LRP1B: variants seen among roughly 807,000 people sequenced by gnomAD.
The protein encoded by LRP1B is LDL receptor related protein 1B, also known as low-density lipoprotein receptor-related protein 1B.
In LRP1B, 217 loss-of-function variants were observed where a neutral mutation model predicts 556.6. The observed-to-expected ratio is 0.39, with a 90% CI of 0.35 to 0.44. The LOEUF (loss-of-function observed/expected upper bound fraction) is 0.44. LRP1B is among the 20% of genes least tolerant of loss of function. The probability of loss-of-function intolerance (pLI) is 1.00; values close to 1 mark genes in which losing one functional copy is unlikely to be tolerated. For synonymous variants in LRP1B, 2,047 were observed against 1,865.8 expected, an observed-to-expected ratio of 1.10 and a Z score of -2.50; for missense variants, 5,053 against 5,620.8, an observed-to-expected ratio of 0.90 and a Z score of 3.23.
intron 7 of LRP1B, among the ~76,000 whole-genome samples, chr2:141,131,123 C>T (rs1701338734): frequency 6.6e-6 from 1 of 151,906 alleles, no homozygotes; most frequent in Admixed American, 6.6e-5. Context: ...GCACTTGTAT[C>T]CCAGAACTTA....
chr2:142,013,571 A>T (rs546681402), intron 1 of LRP1B, among the ~76,000 whole-genome samples: 1 of 152,306 alleles, frequency 6.6e-6, no homozygotes, highest in South Asian at 2.1e-4. Context: ...ACAGAAAAAA[A>T]AAATAAGTCA....
chr2:141,810,451 C>A (rs2105708101), intron 1 of LRP1B, 50 bp from the exon 2 acceptor site: 1 of 1,586,830 alleles, frequency 6.3e-7, no homozygotes, highest in Non-Finnish European at 8.6e-7. Flanking sequence ...TGAACATGGG[C>A]AGAACGAGCA....
chr2:141,166,064 C>G (rs1286498537), intron 7 of LRP1B, among the ~76,000 whole-genome samples: 3 of 151,994 alleles, frequency 2.0e-5, no homozygotes, highest in African/African-American at 7.2e-5. Context: ...TCCCCATTTC[C>G]ATTCCTACTT....
In LRP1B at chr2:141,404,482, A is replaced by T. The variant is rs142114866; in HGVS notation, c.343+75914T>A. Among the ~76,000 whole-genome samples, 335 of 152,282 alleles carry T rather than the reference A, an allele frequency of 2.2e-3. 1 individual carries two copies. The highest frequency in any genetic ancestry group is 7.6e-3 in the African/African-American group (314 of 41,550). Reference sequence around the variant, plus strand: ...CAAGTTCTAAGCATCTAACATATGCATTTGTTATGCTTTTAGCTTTGGAGT... The same window carrying T: ...CAAGTTCTAAGCATCTAACATATGCTTTTGTTATGCTTTTAGCTTTGGAGT... On this transcript the variant is annotated intron_variant, in intron 3 of 90. Coordinates refer to ENST00000389484, the MANE Select transcript of LRP1B (RefSeq NM_018557.3).
intron 1 of LRP1B, among the ~76,000 whole-genome samples, chr2:141,869,899 A>G (rs920729246): frequency 6.6e-6 from 1 of 152,082 alleles, no homozygotes; most frequent in Non-Finnish European, 1.5e-5. Flanking sequence ...ATAAAACCCA[A>G]GAAAGTTTAA....
At chr2:141,799,135 C>T (rs530294395) in intron 2 of LRP1B, among the ~76,000 whole-genome samples, 2 of 152,068 alleles carry the variant, frequency 1.3e-5, no homozygotes, top group African/African-American at 4.8e-5. Flanking sequence ...TAAGGCAGCC[C>T]GCGCAGACGA....
At chr2:140,440,623 T>C (rs1241334442) in intron 66 of LRP1B, among the ~76,000 whole-genome samples, 2 of 151,918 alleles carry the variant, frequency 1.3e-5, no homozygotes, top group African/African-American at 4.8e-5. Context: ...AAATAAGGGG[T>C]GTGAAATGCT....
At chr2:140,668,177 G>A (rs550173010) in intron 41 of LRP1B, among the ~76,000 whole-genome samples, 24 of 151,716 alleles carry the variant, frequency 1.6e-4, no homozygotes, top group Non-Finnish European at 3.2e-4. Flanking sequence ...CGGGTGTGGC[G>A]GCGTGCACCT....
chr2:140,302,371 C>T (rs759127375), intron 83 of LRP1B, among the ~76,000 whole-genome samples: 2 of 152,138 alleles, frequency 1.3e-5, no homozygotes. Context: ...TTCCCACTCC[C>T]TAAAAGAGTA....
intron 4 of LRP1B, among the ~76,000 whole-genome samples, chr2:141,253,454 C>T (rs938445298): frequency 1.3e-5 from 2 of 152,068 alleles, no homozygotes; most frequent in African/African-American, 4.8e-5. Flanking sequence ...AAACAACAAA[C>T]TAAAATTCAA....
chr2:141,510,817 T>C (rs1475280813), intron 2 of LRP1B, among the ~76,000 whole-genome samples: 1 of 151,910 alleles, frequency 6.6e-6, no homozygotes, highest in Non-Finnish European at 1.5e-5. Context: ...CCTTACATTA[T>C]ACATTTACTT....
intron 27 of LRP1B, among the ~76,000 whole-genome samples, chr2:140,860,095 C>G (rs190402425): frequency 2.6e-5 from 4 of 152,288 alleles, no homozygotes; most frequent in South Asian, 2.1e-4. Context: ...CAAGATCACA[C>G]AAGTATTAAA....
chr2:140,672,270 A>G (rs1414712355), intron 41 of LRP1B, among the ~76,000 whole-genome samples: 1 of 152,006 alleles, frequency 6.6e-6, no homozygotes, highest in Non-Finnish European at 1.5e-5. Context: ...GCGGGTCACA[A>G]GGTCAGGAGT....
intron 2 of LRP1B, among the ~76,000 whole-genome samples, chr2:141,561,872 G>A (rs371770797): frequency 6.6e-6 from 1 of 151,782 alleles, no homozygotes; most frequent in Non-Finnish European, 1.5e-5. Flanking sequence ...ACATTACCAC[G>A]ATAGCTTATT....
chr2:141,886,076 A>G (rs1366256967), intron 1 of LRP1B, among the ~76,000 whole-genome samples: 1 of 152,168 alleles, frequency 6.6e-6, no homozygotes, highest in African/African-American at 2.4e-5. Context: ...CTAAAACCTC[A>G]CTGGAAAATT....
intron 2 of LRP1B, among the ~76,000 whole-genome samples, chr2:141,748,300 T>C (rs2105560113): frequency 6.6e-6 from 1 of 152,320 alleles, no homozygotes; most frequent in South Asian, 2.1e-4. Flanking sequence ...AAATCATATA[T>C]ATAAAAGGCC....
At chr2:141,233,685 G>A (rs185533261) in intron 5 of LRP1B, among the ~76,000 whole-genome samples, 1 of 152,022 alleles carries the variant, frequency 6.6e-6, no homozygotes, top group East Asian at 1.9e-4. Flanking sequence ...TATATATGTT[G>A]TGCTAAATAA....
chr2:140,556,394 CCTTA>C (rs1680734403), intron 43 of LRP1B, among the ~76,000 whole-genome samples: 1 of 151,926 alleles, frequency 6.6e-6, no homozygotes, highest in African/African-American at 2.4e-5. Flanking sequence ...AATAAACAGG[CCTTA>C]CTAAGTTCCC....
At chr2:140,249,031 T>C in intron 86 of LRP1B, among the ~76,000 whole-genome samples, 1 of 85,106 alleles carries the variant, frequency 1.2e-5, no homozygotes, top group East Asian at 3.7e-4. Flanking sequence ...CTTTATACAT[T>C]ATCTCATTTA....
Sources: gnomAD v4.1 joint callset for allele counts (sites outside exome capture counted in the v4.1 genomes callset) on GRCh38, gnomAD v4.1.1 for gene constraint, MANE v1.5 for transcripts, NCBI Gene and HGNC (gene_info 2026-07-23, HGNC 2026-07-21) for gene names.